CD86: variants seen among roughly 807,000 people sequenced by gnomAD.
CD86 encodes T-lymphocyte activation antigen CD86.
A neutral mutation model predicts 32.1 loss-of-function variants in CD86; 11 were observed. That is an observed-to-expected ratio of 0.34 (90% CI 0.22 to 0.57). The LOEUF (loss-of-function observed/expected upper bound fraction) is 0.57, where lower values mean the gene tolerates loss of function less well. CD86 is among the 20% of genes least tolerant of loss of function. CD86 has a pLI of 0.86. For missense variants in CD86, 359 were observed against 398.4 expected (o/e 0.90, Z 0.84); for synonymous variants, 137 against 135.3 (o/e 1.01, Z -0.09).
chr3:122,078,028 G>C (rs1475348175), intron 1 of CD86: 35 of 985,522 alleles, frequency 3.6e-5, no homozygotes, highest in Non-Finnish European at 4.2e-5. Flanking sequence ...AGCTACAGTG[G>C]ACAGGCATTT....
chr3:122,093,942 T>C (rs889729850), intron 2 of CD86, among the ~76,000 whole-genome samples: 6 of 152,248 alleles, frequency 3.9e-5, no homozygotes, highest in Non-Finnish European at 8.8e-5. Context: ...ACTCTTCTCC[T>C]AACTCTTGTG....
At chr3:122,109,592 T>G (rs1417626901) in intron 5 of CD86, among the ~76,000 whole-genome samples, 184 bp downstream of exon 5, 2 of 152,246 alleles carry the variant, frequency 1.3e-5, no homozygotes, top group Admixed American at 1.3e-4. Context: ...AATGCTGCTC[T>G]TGGACTTCAA....
Position 122,103,753 on chromosome 3 carries a change from C to G in CD86, c.306C>G (p.Ile102Met). 1.2e-6 allele frequency: 2 copies of G among 1,614,004 alleles called. No homozygotes were observed. Among genetic ancestry groups the G allele is most frequent in the Non-Finnish European group, 1.7e-6 (2 of 1,179,904 alleles). ...SWTLRLHNLQ[I>M]KDKGLYQCII... ...CCCTGAGACTTCACAATCTTCAGAT[C>G]AAGGACAAGGGCTTGTATCAATGTA... The change falls in exon 3 of 7, where the codon ATC (isoleucine) becomes ATG (methionine). Residue 102 changes from isoleucine (I) to methionine (M), a missense_variant. Coordinates refer to ENST00000330540, the MANE Select transcript of CD86 (RefSeq NM_175862.5).
At chr3:122,065,359 TAAA>T (rs2072398846) in intron 1 of CD86, among the ~76,000 whole-genome samples, 1 of 152,162 alleles carries the variant, frequency 6.6e-6, no homozygotes, top group Admixed American at 6.6e-5. Flanking sequence ...GCTGGTGGAC[TAAA>T]AATGGTCCAT....
chr3:122,072,659 AT>A, intron 1 of CD86, among the ~76,000 whole-genome samples: 1 of 151,604 alleles, frequency 6.6e-6, no homozygotes, highest in Non-Finnish European at 1.5e-5. Context: ...GGTTGCAAAA[AT>A]TTTTTCCCAT....
intron 1 of CD86, among the ~76,000 whole-genome samples, chr3:122,073,468 G>T (rs533612699): frequency 6.6e-6 from 1 of 151,922 alleles, no homozygotes; most frequent in African/African-American, 2.4e-5. Flanking sequence ...AATCTTTGGC[G>T]TGTCTTTTTA....
intron 1 of CD86, among the ~76,000 whole-genome samples, chr3:122,058,053 G>A (rs776786743): frequency 2.0e-5 from 3 of 152,128 alleles, no homozygotes; most frequent in South Asian, 2.1e-4. Context: ...GTAATATGTC[G>A]TAAAGTAGTT....
At chr3:122,082,146 C>T (rs141294212) in intron 1 of CD86, among the ~76,000 whole-genome samples, 141 of 152,274 alleles carry the variant, frequency 9.3e-4, no homozygotes, top group Non-Finnish European at 1.7e-3. Flanking sequence ...GTGTTATCAC[C>T]CCCACTTTGG....
intron 3 of CD86, among the ~76,000 whole-genome samples, chr3:122,105,673 C>T (rs2073079227): frequency 6.6e-6 from 1 of 152,194 alleles, no homozygotes; most frequent in Non-Finnish European, 1.5e-5. Flanking sequence ...AATCAGTGTT[C>T]TGAATTTCGA....
intron 1 of CD86, among the ~76,000 whole-genome samples, chr3:122,070,444 G>A (rs1224633438): frequency 6.6e-6 from 1 of 152,100 alleles, no homozygotes; most frequent in Non-Finnish European, 1.5e-5. Context: ...CCCCACCTCG[G>A]TAACTCACTG....
At chr3:122,068,945 G>A (rs1221866910) in intron 1 of CD86, among the ~76,000 whole-genome samples, 1 of 152,160 alleles carries the variant, frequency 6.6e-6, no homozygotes, top group African/African-American at 2.4e-5. Context: ...ACGAAGAGAA[G>A]GAGAAGAGAT....
rs557474588 is a variant in CD86, at chr3:122,077,916, G to A, written c.15-13685G>A. ...TCTCTCTCTACAAGGAGCCTTAGGAGGTACGGGGAGCTCGCAAATACTCCT... is the reference window on the plus strand; with the variant it reads ...TCTCTCTCTACAAGGAGCCTTAGGAAGTACGGGGAGCTCGCAAATACTCCT... On this transcript the variant is annotated intron_variant, in intron 1 of 6. Coordinates refer to ENST00000330540, the MANE Select transcript of CD86 (RefSeq NM_175862.5). 4.1e-6 allele frequency: 4 copies of A among 985,500 alleles called. No homozygotes were observed. In the South Asian group the frequency reaches 1.9e-4, roughly 46 times the overall value. The allele number at this position is 985,500 out of a possible 1,614,324, so 61.0% of individuals were successfully genotyped here. A position where few individuals can be genotyped will look rare whatever the true frequency, so the allele number is the denominator to read the frequency against.
chr3:122,106,708 A>G (rs557353131), intron 4 of CD86, among the ~76,000 whole-genome samples: 3 of 152,286 alleles, frequency 2.0e-5, no homozygotes, highest in Admixed American at 2.0e-4. Flanking sequence ...TTGAAGAAAT[A>G]TGCTTTTAGC....
At chr3:122,083,611 G>A (rs906789036) in intron 1 of CD86, among the ~76,000 whole-genome samples, 4 of 152,128 alleles carry the variant, frequency 2.6e-5, no homozygotes, top group South Asian at 4.1e-4. Flanking sequence ...GAATTTGAGC[G>A]GGCCTTGGCT....
At chr3:122,083,737 G>A (rs553689329) in intron 1 of CD86, among the ~76,000 whole-genome samples, 2 of 152,262 alleles carry the variant, frequency 1.3e-5, no homozygotes, top group African/African-American at 4.8e-5. Context: ...CTGAAATGCA[G>A]CCAGTCCTAA....
intron 1 of CD86, 131 bp downstream of exon 1, chr3:122,055,634 A>G (rs2072222214): frequency 2.4e-6 from 2 of 837,056 alleles, no homozygotes; most frequent in East Asian, 2.5e-5. Context: ...CTTTTTCTAC[A>G]AAAGATCTTT....
intron 2 of CD86, among the ~76,000 whole-genome samples, chr3:122,092,432 G>C (rs2072839733): frequency 6.6e-6 from 1 of 152,170 alleles, no homozygotes; most frequent in Non-Finnish European, 1.5e-5. Flanking sequence ...CCATTCTCCT[G>C]TCTGGTGGTG....
chr3:122,063,535 A>T (rs371531831), intron 1 of CD86, among the ~76,000 whole-genome samples: 25 of 152,298 alleles, frequency 1.6e-4, no homozygotes, highest in East Asian at 1.5e-3. Context: ...AATAATCCAC[A>T]GAATGTGTGT....
intron 2 of CD86, among the ~76,000 whole-genome samples, chr3:122,101,508 AAAAAAATATATATAT>A (rs1471702498): frequency 0.012 from 466 of 40,476 alleles, 5 homozygotes; most frequent in Admixed American, 0.028. Flanking sequence ...AAAAAAAAAA[AAAAAAATATATATAT>A]ATATATATAT....
Sources: allele counts gnomAD v4.1 joint callset (sites outside exome capture counted in the v4.1 genomes callset), GRCh38; gene constraint gnomAD v4.1.1; transcripts MANE v1.5; gene names NCBI Gene and HGNC (gene_info 2026-07-23, HGNC 2026-07-21).